Variants in SAMD5 observed in about 807,000 individuals in gnomAD.
The protein encoded by SAMD5 is sterile alpha motif domain containing 5, also known as sterile alpha motif domain-containing protein 5.
In SAMD5, 13 loss-of-function variants were observed where a neutral mutation model predicts 11.3. That is an observed-to-expected ratio of 1.15 (90% CI 0.75 to 1.83). The LOEUF (loss-of-function observed/expected upper bound fraction) is 1.83. Among genes scored for constraint, SAMD5 ranks in the 40% most tolerant of loss-of-function variants. The pLI, the probability that SAMD5 is intolerant of heterozygous loss-of-function variation, is 0.00. For missense variants in SAMD5, 255 were observed against 239.1 expected, an observed-to-expected ratio of 1.07 and a Z score of -0.44; for synonymous variants, 129 against 111.3, an observed-to-expected ratio of 1.16 and a Z score of -1.00.
chr6:147,587,398 G>T (rs993245044), intron 1 of SAMD5, among the ~76,000 whole-genome samples: 2 of 151,786 alleles, frequency 1.3e-5, no homozygotes, highest in South Asian at 2.1e-4. Context: ...CCACTGTGCC[G>T]GCTAATTTTT....
At chr6:147,627,637 G>A (rs1257850986) in intron 1 of SAMD5, among the ~76,000 whole-genome samples, 1 of 152,132 alleles carries the variant, frequency 6.6e-6, no homozygotes, top group Non-Finnish European at 1.5e-5. Flanking sequence ...CACACACAAT[G>A]CATTCAAATG....
chr6:147,568,859 T>C lies in SAMD5; in HGVS notation c.*4403T>C. 1 of 954,882 alleles carries C rather than the reference T, an allele frequency of 1.0e-6. No homozygotes were observed. The highest frequency in any genetic ancestry group is 1.8e-5 in the African/African-American group (1 of 56,634). The allele number at this position is 954,882 out of a possible 1,614,324, so 59.2% of individuals were successfully genotyped here. ...GACATAAAATCAAATAACTTTCTAGTCCATGATCATTAATCCCTACTATTT... is the reference window on the plus strand; with the variant it reads ...GACATAAAATCAAATAACTTTCTAGCCCATGATCATTAATCCCTACTATTT... On this transcript the variant is annotated 3_prime_UTR_variant, in exon 2 of 2. Coordinates refer to ENST00000367474, the MANE Select transcript of SAMD5 (RefSeq NM_001030060.3).
the SAMD5 span, among the ~76,000 whole-genome samples, chr6:147,909,557 CTTTTTTCT>C: frequency 1.5e-3 from 200 of 130,252 alleles, 42 homozygotes; most frequent in African/African-American, 6.7e-3. Context: ...GACCATCCAT[CTTTTTTCT>C]TTCTTTCTTT....
At chr6:147,613,073 C>A (rs569304595) in intron 1 of SAMD5, among the ~76,000 whole-genome samples, 1 of 152,062 alleles carries the variant, frequency 6.6e-6, no homozygotes, top group Non-Finnish European at 1.5e-5. Flanking sequence ...TAGTGGCATG[C>A]GCCCATAGTC....
At chr6:147,696,695 C>T (rs999999510) in intron 1 of SAMD5, among the ~76,000 whole-genome samples, 3 of 152,170 alleles carry the variant, frequency 2.0e-5, no homozygotes, top group African/African-American at 7.2e-5. Context: ...TTTCTGTTAG[C>T]TGAGTGACTT....
Position 147,590,975 on chromosome 6 carries a change from A to G in SAMD5, c.162+81588A>G, listed in dbSNP as rs894003261. On this transcript the variant is annotated intron_variant, in intron 1 of 1. Coordinates refer to the SAMD5 transcript ENST00000566741. ...GAAATGTATTCAAGGTTAAAATGAA[A>G]TGAACCTTATAACTTTATGTGACTT... Among the ~76,000 whole-genome samples the G allele has an allele frequency of 9.2e-5, 14 of 152,338 alleles. 2 individuals carry two copies. Among genetic ancestry groups the G allele is most frequent in the Admixed American group, 7.8e-4 (12 of 15,304 alleles).
the SAMD5 span, among the ~76,000 whole-genome samples, chr6:147,888,908 C>A: frequency 1.8e-3 from 276 of 150,068 alleles, 2 homozygotes; most frequent in African/African-American, 6.3e-3. Context: ...AAAAGATTTT[C>A]TTTTTCTCTC....
At chr6:147,607,391 A>T (rs927891169) in intron 1 of SAMD5, among the ~76,000 whole-genome samples, 3 of 152,192 alleles carry the variant, frequency 2.0e-5, no homozygotes, top group Admixed American at 1.3e-4. Flanking sequence ...AGCAAAAAGA[A>T]CAAAACTGGA....
intron 1 of SAMD5, among the ~76,000 whole-genome samples, chr6:147,518,018 A>G (rs1788198140): frequency 6.6e-6 from 1 of 152,174 alleles, no homozygotes; most frequent in Non-Finnish European, 1.5e-5. Flanking sequence ...ATGCTTTTCA[A>G]AACACGAAAG....
At chr6:147,604,506 C>T (rs1278775887) in intron 1 of SAMD5, among the ~76,000 whole-genome samples, 1 of 152,142 alleles carries the variant, frequency 6.6e-6, no homozygotes, top group African/African-American at 2.4e-5. Context: ...ACATAGTTGG[C>T]AGAATTGGGG....
At chr6:147,797,280 G>A in the SAMD5 span, among the ~76,000 whole-genome samples, 1 of 144,444 alleles carries the variant, frequency 6.9e-6, no homozygotes, top group Non-Finnish European at 1.5e-5. Context: ...AGCATGAAGG[G>A]TTGTTGAATT....
chr6:147,823,307 T>G, the SAMD5 span, among the ~76,000 whole-genome samples: 1 of 152,170 alleles, frequency 6.6e-6, no homozygotes, highest in East Asian at 1.9e-4. Flanking sequence ...TTAAGCTTCC[T>G]AACTACTCCT....
the SAMD5 span, among the ~76,000 whole-genome samples, chr6:147,811,233 G>C: frequency 6.6e-6 from 1 of 152,134 alleles, no homozygotes; most frequent in East Asian, 1.9e-4. Flanking sequence ...TTTAACTGAA[G>C]CTTGAAGGAC....
At chr6:147,843,097 C>A in the SAMD5 span, among the ~76,000 whole-genome samples, 1 of 152,206 alleles carries the variant, frequency 6.6e-6, no homozygotes, top group Non-Finnish European at 1.5e-5. Context: ...CTCTTGACCT[C>A]AGGTAATCTA....
At chr6:147,755,183 A>G in the SAMD5 span, among the ~76,000 whole-genome samples, 4 of 152,072 alleles carry the variant, frequency 2.6e-5, no homozygotes, top group East Asian at 1.9e-4. Flanking sequence ...GATTCTTCCA[A>G]TTCATGAACA....
intron 1 of SAMD5, among the ~76,000 whole-genome samples, chr6:147,523,654 A>C (rs899311888): frequency 6.6e-6 from 1 of 152,262 alleles, no homozygotes; most frequent in African/African-American, 2.4e-5. Flanking sequence ...ATAAAACTAA[A>C]GATGAGCTTT....
chr6:147,625,292 A>G, intron 1 of SAMD5, among the ~76,000 whole-genome samples: 1 of 152,158 alleles, frequency 6.6e-6, no homozygotes, highest in East Asian at 1.9e-4. Flanking sequence ...AAATGCTGCC[A>G]CTTCCATTTC....
At position 147,685,705 on chromosome 6, in the gene SAMD5, T is replaced by C. The variant is rs186229043; in HGVS notation, c.163-51612T>C. Among the ~76,000 whole-genome samples the C allele has an allele frequency of 1.1e-4, 17 of 152,342 alleles. No homozygotes were observed. In the East Asian group the frequency reaches 2.1e-3, roughly 19 times the overall value. On this transcript the variant is annotated intron_variant, in intron 1 of 1. Transcript: ENST00000566741. Reference sequence around the variant, plus strand: ...GATTGTACTTCCAATAGTATTGCTTTTTTCTCTCTTCTTTTTTTTGACCAA... The same window carrying C: ...GATTGTACTTCCAATAGTATTGCTTCTTTCTCTCTTCTTTTTTTTGACCAA...
intron 1 of SAMD5, among the ~76,000 whole-genome samples, chr6:147,735,335 T>C (rs1311354829): frequency 1.3e-5 from 2 of 152,212 alleles, no homozygotes; most frequent in African/African-American, 2.4e-5. Flanking sequence ...GGTTTTTTGT[T>C]GTGGCTTTGA....
Sources: allele counts gnomAD v4.1 joint callset (sites outside exome capture counted in the v4.1 genomes callset), GRCh38; gene constraint gnomAD v4.1.1; transcripts MANE v1.5; gene names NCBI Gene and HGNC (gene_info 2026-07-23, HGNC 2026-07-21).